The following AGBL4 variants were observed in gnomAD, a reference collection of about 807,000 sequenced individuals.
AGBL4 encodes the protein AGBL carboxypeptidase 4, also known as cytosolic carboxypeptidase 6.
In AGBL4, 58 loss-of-function variants were observed where a neutral mutation model predicts 66.4. The observed-to-expected ratio is 0.87, with a 90% CI of 0.71 to 1.09. The LOEUF is 1.09. AGBL4 is among the 50% of genes least tolerant of loss of function. The pLI, the probability that AGBL4 is intolerant of heterozygous loss-of-function variation, is 0.00. For missense variants in AGBL4, 579 were observed against 631.0 expected (o/e 0.92, Z 0.88); for synonymous variants, 234 against 222.9 (o/e 1.05, Z -0.44).
chr1:49,809,050 A>C lies in AGBL4; in HGVS notation c.157+42346T>G, dbSNP rs139927252. Among the ~76,000 whole-genome samples the C allele has an allele frequency of 2.5e-4, 38 of 152,312 alleles. No individual in the cohort carries two copies. In the East Asian group the frequency reaches 6.9e-3, roughly 28 times the overall value. On this transcript the variant is annotated intron_variant, in intron 2 of 13. Transcript: ENST00000371839. ...AATTGAAGAAAATCAATCAGTGTAAATATGGAGTTATGTGCTACCAATTGA... is the reference window on the plus strand; with the variant it reads ...AATTGAAGAAAATCAATCAGTGTAACTATGGAGTTATGTGCTACCAATTGA...
chr1:49,859,434 A>T (rs376447651), intron 1 of AGBL4, among the ~76,000 whole-genome samples: 1 of 152,290 alleles, frequency 6.6e-6, no homozygotes, highest in East Asian at 1.9e-4. Flanking sequence ...AACATTCAGA[A>T]ATCAATTAAT....
At chr1:49,103,269 C>T (rs1184810617) in intron 4 of AGBL4, among the ~76,000 whole-genome samples, 1 of 152,074 alleles carries the variant, frequency 6.6e-6, no homozygotes, top group Non-Finnish European at 1.5e-5. Flanking sequence ...GAGACAGGTC[C>T]CTTAACCCAG....
chr1:48,594,990 C>T (rs1361148493), intron 9 of AGBL4, among the ~76,000 whole-genome samples: 2 of 152,156 alleles, frequency 1.3e-5, no homozygotes, highest in African/African-American at 2.4e-5. Context: ...AGGAGAGTCA[C>T]CTGCTCCGCA....
chr1:49,466,898 T>C (rs1024697479), intron 3 of AGBL4, among the ~76,000 whole-genome samples: 22 of 151,894 alleles, frequency 1.4e-4, no homozygotes, highest in Admixed American at 7.2e-4. Context: ...CATCCAGAGA[T>C]AGTGTGCAGA....
In AGBL4 at chr1:48,670,031, C is replaced by T. The variant is rs140223672; in HGVS notation, c.635-6790G>A. Among the ~76,000 whole-genome samples the T allele has an allele frequency of 1.2e-4, 19 of 152,174 alleles. No homozygotes were observed. In the East Asian group the frequency reaches 2.5e-3, roughly 20 times the overall value. On this transcript the variant is annotated intron_variant, in intron 6 of 13. Coordinates refer to ENST00000371839, the MANE Select transcript of AGBL4 (RefSeq NM_032785.4). ...CCCTTGATGAGCTGGAAGAAGAGAACAGGAATTACCTTTGAAAAGAGTATG... is the reference window on the plus strand; with the variant it reads ...CCCTTGATGAGCTGGAAGAAGAGAATAGGAATTACCTTTGAAAAGAGTATG...
At chr1:49,588,095 A>G (rs573172917) in intron 3 of AGBL4, among the ~76,000 whole-genome samples, 2 of 152,232 alleles carry the variant, frequency 1.3e-5, no homozygotes, top group Non-Finnish European at 2.9e-5. Flanking sequence ...CTGAATTAAT[A>G]TTTATTTCCC....
intron 2 of AGBL4, among the ~76,000 whole-genome samples, chr1:49,817,564 T>C (rs1645262710): frequency 6.6e-6 from 1 of 152,210 alleles, no homozygotes; most frequent in African/African-American, 2.4e-5. Context: ...ATTTATTCTA[T>C]TCCTAAGTAA....
intron 2 of AGBL4, among the ~76,000 whole-genome samples, chr1:49,712,807 A>G (rs1441381186): frequency 6.6e-6 from 1 of 151,858 alleles, no homozygotes; most frequent in African/African-American, 2.4e-5. Context: ...GGTTATCTTG[A>G]GTATGTTTCT....
At chr1:49,208,641 A>T (rs1648433047) in intron 4 of AGBL4, among the ~76,000 whole-genome samples, 3 of 152,080 alleles carry the variant, frequency 2.0e-5, no homozygotes. Flanking sequence ...ACTCTAAGAG[A>T]TCTTTATCTT....
intron 1 of AGBL4, among the ~76,000 whole-genome samples, chr1:49,889,797 T>C (rs1001753023): frequency 1.3e-5 from 2 of 152,106 alleles, no homozygotes; most frequent in African/African-American, 4.8e-5. Flanking sequence ...ATCTTCTAAA[T>C]TTAAACTTCA....
intron 1 of AGBL4, among the ~76,000 whole-genome samples, chr1:49,859,637 T>C (rs1174301279): frequency 6.6e-6 from 1 of 152,004 alleles, no homozygotes; most frequent in Admixed American, 6.6e-5. Context: ...TAATTATGTA[T>C]TTTTTAATAT....
At chr1:49,842,440 G>T (rs1490191125) in intron 2 of AGBL4, 2 of 866,044 alleles carry the variant, frequency 2.3e-6, no homozygotes. Context: ...CTTGCTCCCT[G>T]GTTTCTCTGT....
chr1:49,693,427 T>G (rs556113150), intron 3 of AGBL4, among the ~76,000 whole-genome samples: 2 of 152,242 alleles, frequency 1.3e-5, no homozygotes, highest in Admixed American at 6.5e-5. Context: ...TTTATCAAAC[T>G]TTTGATAACA....
At chr1:48,897,806 C>CTTT (rs55889870) in intron 5 of AGBL4, among the ~76,000 whole-genome samples, 6 of 127,796 alleles carry the variant, frequency 4.7e-5, no homozygotes, top group Non-Finnish European at 4.8e-5. Flanking sequence ...CTTTTGCCCA[C>CTTT]TTTTTTTTTT....
At chr1:49,203,384 AAATG>A (rs1186477036) in intron 4 of AGBL4, among the ~76,000 whole-genome samples, 1 of 152,186 alleles carries the variant, frequency 6.6e-6, no homozygotes, top group African/African-American at 2.4e-5. Context: ...ATCCATGAAT[AAATG>A]AATGAATAAA....
In AGBL4 at chr1:48,653,599, C is replaced by T. The variant is rs193118150; in HGVS notation, c.725-148G>A. 1.6e-4 allele frequency: 97 copies of T among 614,230 alleles called. 1 individual carries two copies. In the East Asian group the frequency reaches 1.7e-3, roughly 11 times the overall value. 38.0% of individuals were successfully genotyped at this position (614,230 alleles called of 1,614,324 possible). ...ACTGTGGGTGTGTGGTTATAGACTA[C>T]GCGTTATCTGTATAAACTGTATTTA... On this transcript the variant is annotated intron_variant, in intron 7 of 13. Transcript: ENST00000371839.
intron 4 of AGBL4, among the ~76,000 whole-genome samples, chr1:49,088,658 TG>T (rs983422224): frequency 8.5e-5 from 13 of 152,122 alleles, no homozygotes; most frequent in African/African-American, 3.1e-4. Context: ...TAGTAGGAGA[TG>T]TCAACATCCC....
At chr1:49,570,616 T>C (rs1307522474) in intron 3 of AGBL4, among the ~76,000 whole-genome samples, 2 of 152,194 alleles carry the variant, frequency 1.3e-5, no homozygotes, top group African/African-American at 4.8e-5. Context: ...TCTATTTTTG[T>C]TTTGTTGCCT....
intron 1 of AGBL4, among the ~76,000 whole-genome samples, chr1:50,016,007 A>G (rs2148444734): frequency 6.6e-6 from 1 of 152,292 alleles, no homozygotes; most frequent in South Asian, 2.1e-4. Flanking sequence ...AAATGTAAAA[A>G]CTAAAACTGT....
Sources: gnomAD v4.1 joint callset for allele counts (sites outside exome capture counted in the v4.1 genomes callset) on GRCh38, gnomAD v4.1.1 for gene constraint, MANE v1.5 for transcripts, NCBI Gene and HGNC (gene_info 2026-07-23, HGNC 2026-07-21) for gene names.